The following NTNG2 variants were observed in gnomAD, a reference collection of about 807,000 sequenced individuals.
NTNG2 encodes the protein netrin G2, also known as netrin-G2.
A neutral mutation model predicts 47.6 loss-of-function variants in NTNG2; 15 were observed. The observed-to-expected ratio is 0.32, with a 90% CI of 0.21 to 0.49. The LOEUF (loss-of-function observed/expected upper bound fraction) is 0.49. Ranked by LOEUF, NTNG2 falls within the 20% of genes least tolerant of loss-of-function variation. NTNG2 has a pLI of 0.99. For missense variants in NTNG2, 578 were observed against 764.6 expected, an observed-to-expected ratio of 0.76 and a Z score of 2.88; for synonymous variants, 307 against 324.6, an observed-to-expected ratio of 0.95 and a Z score of 0.58.
intron 2 of NTNG2, among the ~76,000 whole-genome samples, chr9:132,195,482 T>C (rs1348754363): frequency 1.4e-5 from 2 of 145,076 alleles, no homozygotes; most frequent in Non-Finnish European, 1.5e-5. Flanking sequence ...CTATTTTTTT[T>C]TTTTTTTTTT....
At chr9:132,240,577 G>C in intron 6 of NTNG2, 2 of 432,328 alleles carry the variant, frequency 4.6e-6, no homozygotes, top group Non-Finnish European at 8.5e-6. Flanking sequence ...CCACCTGTCG[G>C]AGTCATAGCT....
intron 2 of NTNG2, among the ~76,000 whole-genome samples, chr9:132,167,714 G>C (rs1589353832): frequency 6.6e-6 from 1 of 152,170 alleles, no homozygotes; most frequent in African/African-American, 2.4e-5. Flanking sequence ...TGCCTCCCTA[G>C]CTAGAGAAGG....
intron 2 of NTNG2, among the ~76,000 whole-genome samples, chr9:132,186,223 G>A (rs112976119): frequency 0.022 from 3,402 of 152,248 alleles, 133 homozygotes; most frequent in African/African-American, 0.078. Context: ...CCCTGTCTGA[G>A]ACAGACGCCC....
chr9:132,183,853 C>CGATT (rs1355055473), intron 2 of NTNG2, among the ~76,000 whole-genome samples: 2 of 152,062 alleles, frequency 1.3e-5, no homozygotes, highest in African/African-American at 4.8e-5. Context: ...GTTAATTACT[C>CGATT]GATTGGTTAG....
intron 3 of NTNG2, among the ~76,000 whole-genome samples, chr9:132,199,939 A>C (rs1838616431): frequency 6.6e-6 from 1 of 152,160 alleles, no homozygotes; most frequent in African/African-American, 2.4e-5. Context: ...AACTGTTTAG[A>C]CTGTGGATGA....
chr9:132,187,254 C>T (rs1426305569), intron 2 of NTNG2, among the ~76,000 whole-genome samples: 1 of 152,220 alleles, frequency 6.6e-6, no homozygotes, highest in Admixed American at 6.5e-5. Flanking sequence ...GGCTCGCTTG[C>T]CTGCCCCTGC....
rs558815799 is a variant in NTNG2, at chr9:132,237,819, G to A, written c.1055-1285G>A. ...CCTGGGAGGTGTGGCCCTGGGGCTC[G>A]TGTTGGTTGAAGCAGAATCTGGGAC... is the stretch of plus-strand genomic sequence containing the variant. On this transcript the variant is annotated intron_variant, in intron 5 of 7. Coordinates refer to ENST00000393229, the MANE Select transcript of NTNG2 (RefSeq NM_032536.4). 3.5e-4 allele frequency among the ~76,000 whole-genome samples: 54 copies of A among 152,352 alleles called. No homozygotes were observed. In the South Asian group the frequency reaches 9.9e-3, roughly 28 times the overall value.
intron 2 of NTNG2, among the ~76,000 whole-genome samples, chr9:132,176,990 TTTGTTG>T (rs951857292): frequency 6.6e-6 from 1 of 152,216 alleles, no homozygotes; most frequent in African/African-American, 2.4e-5. Context: ...TGTTTTTGTT[TTTGTTG>T]TGTGTTGTTT....
intron 2 of NTNG2, among the ~76,000 whole-genome samples, chr9:132,177,267 G>A (rs1434988382): frequency 2.6e-5 from 4 of 152,194 alleles, no homozygotes; most frequent in African/African-American, 4.8e-5. Flanking sequence ...GACCACAGGC[G>A]TGAGCCACCA....
At position 132,226,472 on chromosome 9, in the gene NTNG2, T is replaced by C. The variant is rs1487866695; in HGVS notation, c.858-377T>C. On this transcript the variant is annotated intron_variant, in intron 3 of 7. Transcript: ENST00000393229. This position sits in a 1 kb window ranked among gnomAD's most constrained non-coding sequence, Gnocchi z 4.8. ...TACACCAGGTGCTGGCAGCAGCCTC[T>C]GTCACCCATCAACCCACATCAGTCA... is the stretch of plus-strand genomic sequence containing the variant. Among the ~76,000 whole-genome samples, 1 of 152,216 alleles carries C rather than the reference T, an allele frequency of 6.6e-6. No individual in the cohort carries two copies. The highest frequency in any genetic ancestry group is 2.4e-5 in the African/African-American group (1 of 41,442).
At chr9:132,170,128 G>A (rs7854265) in intron 2 of NTNG2, among the ~76,000 whole-genome samples, 2,239 of 152,286 alleles carry the variant, frequency 0.015, 59 homozygotes, top group African/African-American at 0.051. Flanking sequence ...GCTGCACTCC[G>A]AGGGTACAGG....
rs558455838 is a variant in NTNG2 at position 132,208,461 on chromosome 9, G to A, written c.857+9852G>A. Among the ~76,000 whole-genome samples, 14 of 152,158 alleles carry A rather than the reference G, an allele frequency of 9.2e-5. No homozygotes were observed. The highest frequency in any genetic ancestry group is 1.8e-4 in the Non-Finnish European group (12 of 68,032). On this transcript the variant is annotated intron_variant, in intron 3 of 7. Transcript: ENST00000393229. This position sits in a 1 kb window ranked among gnomAD's most constrained non-coding sequence, Gnocchi z 4.0. ...TTTGGAAATCTGAGTTGGGGGTGGC[G>A]GTGCTGGAGGCCTGCAGGAGACTGG... is the stretch of plus-strand genomic sequence containing the variant.
At chr9:132,186,065 T>C (rs1471016694) in intron 2 of NTNG2, among the ~76,000 whole-genome samples, 1 of 152,088 alleles carries the variant, frequency 6.6e-6, no homozygotes, top group Non-Finnish European at 1.5e-5. Context: ...CAGAGAAAAA[T>C]AGGGAACCTG....
chr9:132,212,524 C>T (rs910692506), intron 3 of NTNG2, among the ~76,000 whole-genome samples: 1 of 152,200 alleles, frequency 6.6e-6, no homozygotes, highest in African/African-American at 2.4e-5. Context: ...GGCGCAGCAG[C>T]CAGCATTTGT....
At chr9:132,237,887 C>G (rs1047261824) in intron 5 of NTNG2, among the ~76,000 whole-genome samples, 11 of 152,218 alleles carry the variant, frequency 7.2e-5, no homozygotes, top group South Asian at 2.1e-4. Flanking sequence ...TTAGAGGATG[C>G]CTCATCTCCT....
intron 2 of NTNG2, among the ~76,000 whole-genome samples, chr9:132,168,999 T>C (rs1231240835): frequency 6.6e-6 from 1 of 152,076 alleles, no homozygotes; most frequent in African/African-American, 2.4e-5. Context: ...GAGAACCCAG[T>C]GCAGTGGGCG....
In NTNG2 at chr9:132,162,535, AGT is replaced by A. The variant is rs771590912; in HGVS notation, c.-484+316_-484+317del. On this transcript the variant is annotated intron_variant, in intron 1 of 7. Coordinates refer to ENST00000393229, the MANE Select transcript of NTNG2 (RefSeq NM_032536.4). This position sits in a 1 kb window ranked among gnomAD's most constrained non-coding sequence, Gnocchi z 4.6. The stretch of plus-strand genomic sequence containing the variant: ...GGGTCCTTTCCGTCGTGTGTGTGAG[AGT>A]GTGTGTGTGTGTGTGTGTGAGAGAG... 7.9e-3 allele frequency among the ~76,000 whole-genome samples: 618 copies of A among 78,166 alleles called. 7 individuals are homozygous for A. The highest frequency in any genetic ancestry group is 0.011 in the Non-Finnish European group (397 of 37,752). The allele number at this position is 78,166 out of a possible 152,430, so 51.3% of individuals were successfully genotyped here.
intron 3 of NTNG2, among the ~76,000 whole-genome samples, chr9:132,223,853 C>T (rs763774252): frequency 3.9e-5 from 6 of 152,184 alleles, no homozygotes; most frequent in Admixed American, 1.3e-4. Flanking sequence ...CAGGACACGC[C>T]TAACCAGTCA....
In NTNG2 at chr9:132,214,684, G is replaced by T. The variant is rs1008434237; in HGVS notation, c.858-12165G>T. Among the ~76,000 whole-genome samples the T allele has an allele frequency of 3.3e-5, 5 of 152,276 alleles. 1 individual carries two copies. Among genetic ancestry groups the T allele is most frequent in the African/African-American group, 1.2e-4 (5 of 41,572 alleles). Reference sequence around the variant, plus strand: ...AGAGAAGTCAGGGTCTGAGCAGAGGGGCCAGACAGCCACACGGGTGAGCCG... The same window carrying T: ...AGAGAAGTCAGGGTCTGAGCAGAGGTGCCAGACAGCCACACGGGTGAGCCG... On this transcript the variant is annotated intron_variant, in intron 3 of 7. Coordinates refer to ENST00000393229, the MANE Select transcript of NTNG2 (RefSeq NM_032536.4).
Sources: allele counts gnomAD v4.1 joint callset (sites outside exome capture counted in the v4.1 genomes callset), GRCh38; gene constraint gnomAD v4.1.1; non-coding constraint Gnocchi (gnomAD v3.1); transcripts MANE v1.5; gene names NCBI Gene and HGNC (gene_info 2026-07-23, HGNC 2026-07-21).